The following RNF212 variants were observed in gnomAD, a reference collection of about 807,000 sequenced individuals.
RNF212 encodes ring finger protein 212, also known as probable E3 SUMO-protein ligase RNF212.
In RNF212, 33 loss-of-function variants were observed where a neutral mutation model predicts 34.7. The ratio of observed to expected loss-of-function variants is 0.95; its 90% CI spans 0.72 to 1.27. RNF212 has a LOEUF of 1.27. RNF212 is among the 50% of genes most tolerant of loss of function. The pLI is 0.00. For missense variants in RNF212, 377 were observed against 362.2 expected, an observed-to-expected ratio of 1.04 and a Z score of -0.33; for synonymous variants, 140 against 136.1, an observed-to-expected ratio of 1.03 and a Z score of -0.20.
chr4:1,065,130 C>T (rs1332752049), intron 3 of RNF212, among the ~76,000 whole-genome samples: 4 of 152,218 alleles, frequency 2.6e-5, no homozygotes, highest in African/African-American at 4.8e-5. Flanking sequence ...AGAGACCCTG[C>T]TTTCAATCCT....
intron 8 of RNF212, among the ~76,000 whole-genome samples, chr4:1,077,741 A>T (rs1719556039): frequency 6.6e-6 from 1 of 152,146 alleles, no homozygotes; most frequent in South Asian, 2.1e-4. Flanking sequence ...GGTGGTGGGG[A>T]CCTACAGGGA....
At chr4:1,102,937 C>T (rs561020299) in intron 2 of RNF212, among the ~76,000 whole-genome samples, 2 of 150,418 alleles carry the variant, frequency 1.3e-5, no homozygotes, top group South Asian at 2.1e-4. Context: ...GTCAGGAGAT[C>T]GAGACCATCC....
intron 8 of RNF212, among the ~76,000 whole-genome samples, chr4:1,076,033 A>G (rs577519557): frequency 6.6e-6 from 1 of 152,328 alleles, no homozygotes; most frequent in South Asian, 2.1e-4. Context: ...TACCTTTTCA[A>G]AAAGATATGT....
At chr4:1,097,319 C>T (rs649616) in intron 2 of RNF212, among the ~76,000 whole-genome samples, 28,126 of 152,134 alleles carry the variant, frequency 0.18, 4,229 homozygotes, top group African/African-American at 0.42. Context: ...AACAGCGTCT[C>T]GTAGGTCGGG....
At chr4:1,058,775 C>A (rs1036214423) in intron 3 of RNF212, among the ~76,000 whole-genome samples, 1 of 152,220 alleles carries the variant, frequency 6.6e-6, no homozygotes, top group African/African-American at 2.4e-5. Flanking sequence ...GGGCCCTCGG[C>A]CCGTGGGCTC....
At chr4:1,076,263 G>C (rs1314346540) in intron 8 of RNF212, among the ~76,000 whole-genome samples, 1 of 152,150 alleles carries the variant, frequency 6.6e-6, no homozygotes, top group Admixed American at 6.5e-5. Flanking sequence ...GAGGTCCCCA[G>C]GCCTGGAGCA....
At chr4:1,091,224 T>A (rs1722140395) in intron 3 of RNF212, among the ~76,000 whole-genome samples, 1 of 152,168 alleles carries the variant, frequency 6.6e-6, no homozygotes, top group Non-Finnish European at 1.5e-5. Flanking sequence ...AGAATGAGGC[T>A]AAGCGAGACC....
intron 2 of RNF212, chr4:1,107,111 G>T (rs1323439903): frequency 1.3e-5 from 2 of 152,028 alleles, no homozygotes; most frequent in Non-Finnish European, 2.9e-5. Context: ...GAGTGCAGTG[G>T]TGTGATCTCA....
chr4:1,080,263 C>A (rs1010944985), intron 7 of RNF212, among the ~76,000 whole-genome samples: 32 of 152,172 alleles, frequency 2.1e-4, no homozygotes, highest in Non-Finnish European at 4.1e-4. Flanking sequence ...CCAACAGCTC[C>A]AGCAAGAGTC....
chr4:1,078,187 C>T (rs1171621523), intron 8 of RNF212, among the ~76,000 whole-genome samples: 1 of 152,222 alleles, frequency 6.6e-6, no homozygotes, highest in Non-Finnish European at 1.5e-5. Context: ...CGAAGCAACA[C>T]ATAAATCAAA....
At chr4:1,077,914 A>G (rs1237756024) in intron 8 of RNF212, among the ~76,000 whole-genome samples, 1 of 152,122 alleles carries the variant, frequency 6.6e-6, no homozygotes, top group Non-Finnish European at 1.5e-5. Context: ...GGCCATGAGG[A>G]TGGCAGAGGT....
chr4:1,081,544 C>A, intron 6 of RNF212, 23 bp downstream of exon 6: 1 of 1,609,560 alleles, frequency 6.2e-7, no homozygotes, highest in South Asian at 1.1e-5. Flanking sequence ...ATTTTGTTCT[C>A]TTTCTGGCAT....
chr4:1,059,623 G>T (rs914446103), intron 3 of RNF212, among the ~76,000 whole-genome samples: 1 of 152,208 alleles, frequency 6.6e-6, no homozygotes, highest in Non-Finnish European at 1.5e-5. Context: ...CTCCCTCCCT[G>T]GGGGTCTCTG....
At chr4:1,069,083 T>G (rs912474119), downstream of RNF212, among the ~76,000 whole-genome samples, 2 of 152,086 alleles carry the variant, frequency 1.3e-5, no homozygotes, top group Non-Finnish European at 2.9e-5. Context: ...TGGTGGTGCA[T>G]GCCTATAGTC....
intron 3 of RNF212, among the ~76,000 whole-genome samples, chr4:1,092,038 A>G (rs643484): frequency 0.81 from 123,811 of 152,252 alleles, 51,081 homozygotes; most frequent in African/African-American, 0.95. Flanking sequence ...GCCTGTCGGG[A>G]ACACCTGCAC....
Position 1,072,617 on chromosome 4 carries a change from G to GA in RNF212, c.*256dup, listed in dbSNP as rs201319741. 2,762 of 984,284 alleles carry GA rather than the reference G, an allele frequency of 2.8e-3. 1 individual carries two copies. Among genetic ancestry groups the GA allele is most frequent in the Middle Eastern group, 3.9e-3 (9 of 2,294 alleles). The allele number at this position is 984,284 out of a possible 1,614,324, so 61.0% of individuals were successfully genotyped here. On this transcript the variant is annotated 3_prime_UTR_variant, in exon 10 of 10. Transcript: ENST00000433731. ...TTAGAAAAAAATGATTTAAGTATGT[G>GA]AAAAAAAAACTCCCTAAGCATGAGA...
Position 1,072,880 on chromosome 4 carries a change from T to C in RNF212, c.888A>G (p.Ser296=). ...ATAGTCACATAAATGCAAATCAAAATGACTTTTTCCTTTCAAATTGGCAAA... is the reference window on the plus strand; with the variant it reads ...ATAGTCACATAAATGCAAATCAAAACGACTTTTTCCTTTCAAATTGGCAAA... ...FPLCQFERKK[S]F Residue 296 remains serine, a synonymous_variant, in exon 10 of 10, where the codon TCA becomes TCG. Transcript: ENST00000433731. The C allele has an allele frequency of 1.9e-6, 3 of 1,598,516 alleles. No homozygotes were observed. Among genetic ancestry groups the C allele is most frequent in the East Asian group, 2.2e-5 (1 of 44,498 alleles).
At chr4:1,056,905 G>A (rs1717359623) in intron 4 of RNF212, 1 of 987,996 alleles carries the variant, frequency 1.0e-6, no homozygotes, top group Non-Finnish European at 1.2e-6. Context: ...TGGCCTGGGA[G>A]CCCCCGAAGC....
intron 8 of RNF212, among the ~76,000 whole-genome samples, chr4:1,075,019 T>C: frequency 6.6e-6 from 1 of 152,120 alleles, no homozygotes; most frequent in Admixed American, 6.6e-5. Flanking sequence ...TTAGAGAAAA[T>C]CTCCGCAGAG....
Sources: gnomAD v4.1 joint callset for allele counts (sites outside exome capture counted in the v4.1 genomes callset) on GRCh38, gnomAD v4.1.1 for gene constraint, MANE v1.5 for transcripts, NCBI Gene and HGNC (gene_info 2026-07-23, HGNC 2026-07-21) for gene names.